UFD1: variants seen among roughly 807,000 people sequenced by gnomAD.
UFD1 encodes ubiquitin recognition factor in ER associated degradation 1.
Under a neutral mutation model 45.9 loss-of-function variants are expected in UFD1, and 13 were observed. The observed-to-expected ratio is 0.28, with a 90% CI of 0.18 to 0.45. The LOEUF (loss-of-function observed/expected upper bound fraction) is 0.45. UFD1 is among the 20% of genes least tolerant of loss of function. The pLI, the probability that UFD1 is intolerant of heterozygous loss-of-function variation, is 1.00. For missense variants in UFD1, 218 were observed against 389.2 expected, an observed-to-expected ratio of 0.56 and a Z score of 3.70; for synonymous variants, 128 against 139.2, an observed-to-expected ratio of 0.92 and a Z score of 0.56.
At chr22:19,471,541 C>T (rs2089845494) in intron 4 of UFD1, 146 bp downstream of exon 4, 1 of 1,222,654 alleles carries the variant, frequency 8.2e-7, no homozygotes, top group African/African-American at 1.5e-5. Context: ...GCTCTGGATC[C>T]CTTCTCTCTC....
chr22:19,471,982 A>G (rs2089849708), intron 3 of UFD1, among the ~76,000 whole-genome samples, 174 bp from the exon 4 acceptor site: 1 of 152,202 alleles, frequency 6.6e-6, no homozygotes, highest in African/African-American at 2.4e-5. Context: ...GAACCTGGCA[A>G]CTTGGTAACA....
At chr22:19,458,507 G>C (rs888097966) in intron 6 of UFD1, among the ~76,000 whole-genome samples, 6 of 152,124 alleles carry the variant, frequency 3.9e-5, no homozygotes, top group Non-Finnish European at 7.3e-5. Context: ...GCAGTGGTGC[G>C]ATCTTGGCTC....
chr22:19,478,898 G>T, intron 1 of UFD1, 185 bp downstream of exon 1: 1 of 725,484 alleles, frequency 1.4e-6, no homozygotes, highest in Non-Finnish European at 2.1e-6. Context: ...CGGCGGACGC[G>T]ACCACAGGCG....
chr22:19,478,212 C>A (rs1424110294), intron 1 of UFD1, among the ~76,000 whole-genome samples: 1 of 152,122 alleles, frequency 6.6e-6, no homozygotes, highest in East Asian at 1.9e-4. Context: ...CGAGACCTAG[C>A]ACACTGCCTG....
chr22:19,467,734 CATT>C (rs2089813611), intron 5 of UFD1, 136 bp downstream of exon 5: 1 of 1,455,968 alleles, frequency 6.9e-7, no homozygotes, highest in Non-Finnish European at 9.3e-7. Flanking sequence ...AGCTGAACCC[CATT>C]ATTCTCAAAT....
At chr22:19,464,263 G>A (rs1020667403) in intron 6 of UFD1, among the ~76,000 whole-genome samples, 23 of 152,254 alleles carry the variant, frequency 1.5e-4, no homozygotes, top group Admixed American at 5.9e-4. Flanking sequence ...GGACCAGAGA[G>A]TGCTGTGAAG....
At chr22:19,453,902 G>A (rs2089701751) in intron 11 of UFD1, 1 of 985,534 alleles carries the variant, frequency 1.0e-6, no homozygotes, top group Non-Finnish European at 1.2e-6. Flanking sequence ...AAAGGAACCA[G>A]GAGAGCGATG....
chr22:19,460,012 C>T (rs543410764), intron 6 of UFD1, among the ~76,000 whole-genome samples: 2 of 152,080 alleles, frequency 1.3e-5, no homozygotes, highest in East Asian at 3.9e-4. Context: ...GCTGGGATTA[C>T]AGGCATGGGC....
chr22:19,457,196 A>G (rs1474063843), intron 7 of UFD1, among the ~76,000 whole-genome samples: 2 of 152,130 alleles, frequency 1.3e-5, no homozygotes, highest in Non-Finnish European at 2.9e-5. Flanking sequence ...GTTCTACACA[A>G]TGTAATCACT....
At chr22:19,467,766 T>G in intron 5 of UFD1, 107 bp downstream of exon 5, 1 of 1,513,660 alleles carries the variant, frequency 6.6e-7, no homozygotes, top group Non-Finnish European at 8.9e-7. Context: ...GAATCACAAA[T>G]GTGTGATCCC....
intron 1 of UFD1, 139 bp downstream of exon 1, chr22:19,478,944 G>T: frequency 8.3e-7 from 1 of 1,202,190 alleles, no homozygotes; most frequent in Non-Finnish European, 1.1e-6. Flanking sequence ...GCCCGGTGCG[G>T]CCGATGAGCC....
chr22:19,450,418 G>A lies in UFD1; in HGVS notation c.*252C>T, dbSNP rs543629941. On this transcript the variant is annotated 3_prime_UTR_variant, in exon 12 of 12. Coordinates refer to ENST00000263202, the MANE Select transcript of UFD1 (RefSeq NM_005659.7). The stretch of plus-strand genomic sequence containing the variant: ...GGAGCTCCCCTCAAGCTGAAAGCGT[G>A]AAGAGGTGAGGAGGCAGCTATCTAC... The A allele has an allele frequency of 9.0e-6, 4 of 443,238 alleles. No homozygotes were observed. The South Asian group carries it at 9.8e-5, about 11-fold the overall frequency. The allele number at this position is 443,238 out of a possible 1,614,324, so 27.5% of individuals were successfully genotyped here. A position where few individuals can be genotyped will look rare whatever the true frequency, so the allele number is the denominator to read the frequency against.
intron 6 of UFD1, among the ~76,000 whole-genome samples, chr22:19,459,688 T>C (rs1182067434): frequency 1.3e-5 from 2 of 151,870 alleles, no homozygotes; most frequent in African/African-American, 4.8e-5. Context: ...TATCTACTTT[T>C]TCCTGCATCA....
intron 4 of UFD1, 149 bp downstream of exon 4, chr22:19,471,538 A>C: frequency 8.3e-7 from 1 of 1,205,868 alleles, no homozygotes; most frequent in African/African-American, 1.5e-5. Flanking sequence ...ACTGCTCTGG[A>C]TCCCTTCTCT....
At chr22:19,468,040 A>G in intron 4 of UFD1, 37 bp from the exon 5 acceptor site, 1 of 1,611,334 alleles carries the variant, frequency 6.2e-7, no homozygotes, top group South Asian at 1.1e-5. Flanking sequence ...ACTCCTAGAG[A>G]TGAAGCAGCC....
chr22:19,470,192 A>G (rs2089833530), intron 4 of UFD1: 12 of 429,366 alleles, frequency 2.8e-5, no homozygotes, highest in South Asian at 1.9e-4. Context: ...CTGGGCTTTG[A>G]GGCATAAAAG....
At chr22:19,456,517 C>G in intron 9 of UFD1, 70 bp downstream of exon 9, 3 of 1,606,174 alleles carry the variant, frequency 1.9e-6, no homozygotes, top group Middle Eastern at 1.7e-4. Context: ...ATGGAGAACA[C>G]CTTGAGTGAG....
At chr22:19,470,705 G>A (rs1269451876) in intron 4 of UFD1, 2 of 454,346 alleles carry the variant, frequency 4.4e-6, no homozygotes, top group Non-Finnish European at 8.8e-6. Context: ...GCCTTCCGAA[G>A]TGCTGGGATT....
At position 19,465,217 on chromosome 22, in the gene UFD1, G is replaced by A. The variant is rs758509117; in HGVS notation, c.480C>T (p.Ile160=). Residue 160 remains isoleucine, a synonymous_variant, in exon 6 of 12, where the codon ATC becomes ATT. Transcript: ENST00000263202. ...CTGGGCTCACCTTTTCATTATAGTT[G>A]ATGGCAATCACATCCCCGGTGGTCA... ...ACLTTGDVIA[I]NYNEKIYELR... 3 of 1,614,160 alleles carry A rather than the reference G, an allele frequency of 1.9e-6. No individual in the cohort carries two copies. The highest frequency in any genetic ancestry group is 1.3e-5 in the African/African-American group (1 of 75,040).
Sources: gnomAD v4.1 joint callset for allele counts (sites outside exome capture counted in the v4.1 genomes callset) on GRCh38, gnomAD v4.1.1 for gene constraint, MANE v1.5 for transcripts, NCBI Gene and HGNC (gene_info 2026-07-23, HGNC 2026-07-21) for gene names.